The following TCERG1L variants were observed in gnomAD, a reference collection of about 807,000 sequenced individuals.
TCERG1L encodes the protein transcription elongation regulator 1-like protein.
Under a neutral mutation model 56.3 loss-of-function variants are expected in TCERG1L, and 37 were observed. That is an observed-to-expected ratio of 0.66 (90% CI 0.51 to 0.87). The LOEUF is 0.87. Ranked by LOEUF, TCERG1L falls within the 40% of genes least tolerant of loss-of-function variation. The pLI is 0.00. For missense variants in TCERG1L, 799 were observed against 774.2 expected (o/e 1.03, Z -0.38); for synonymous variants, 324 against 326.3 (o/e 0.99, Z 0.08).
chr10:131,224,372 T>C (rs1845769585), intron 4 of TCERG1L, among the ~76,000 whole-genome samples: 1 of 151,872 alleles, frequency 6.6e-6, no homozygotes, highest in Non-Finnish European at 1.5e-5. Context: ...CCTCCTGCAC[T>C]CTGGCCTCTT....
chr10:131,165,335 G>T (rs759838504), intron 5 of TCERG1L, among the ~76,000 whole-genome samples: 10 of 152,160 alleles, frequency 6.6e-5, no homozygotes, highest in Non-Finnish European at 1.2e-4. Flanking sequence ...CATCATGCAA[G>T]GGACTACCAG....
Position 131,311,492 on chromosome 10 carries a change from C to T in TCERG1L, c.144G>A (p.Gly48=). Residue 48 remains glycine (G), a synonymous_variant, in exon 1 of 12, where the codon GGG becomes GGA. Transcript: ENST00000368642. This position sits in a 1 kb window ranked among gnomAD's most constrained non-coding sequence, Gnocchi z 4.0. ...PWVWMVPGSA[G]LLRLSAGVVV... Reference sequence around the variant, plus strand: ...CGACCCCCGCGCTGAGCCGGAGCAGCCCGGCCGAGCCCGGCACCATCCAGA... The same window carrying T: ...CGACCCCCGCGCTGAGCCGGAGCAGTCCGGCCGAGCCCGGCACCATCCAGA... The T allele has an allele frequency of 3.3e-6, 4 of 1,198,730 alleles. No homozygotes were observed. The South Asian group carries it at 9.9e-5, about 30-fold the overall frequency. The allele number at this position is 1,198,730 out of a possible 1,614,324, so 74.3% of individuals were successfully genotyped here.
chr10:131,149,445 C>T (rs1442243448), intron 6 of TCERG1L, among the ~76,000 whole-genome samples: 6 of 152,192 alleles, frequency 3.9e-5, no homozygotes, highest in South Asian at 4.1e-4. Context: ...GTGCAGAACC[C>T]GGCTAGCATA....
rs567878293 is a variant in TCERG1L at position 131,220,982 on chromosome 10, C to T, written c.856+39277G>A. Among the ~76,000 whole-genome samples, 4 of 152,286 alleles carry T rather than the reference C, an allele frequency of 2.6e-5. No homozygotes were observed. The East Asian group carries it at 5.8e-4, about 22-fold the overall frequency. On this transcript the variant is annotated intron_variant, in intron 4 of 11. Coordinates refer to ENST00000368642, the MANE Select transcript of TCERG1L (RefSeq NM_174937.4). ...GTGGTCACTGAGGCAGCCCCACCCC[C>T]GGAGCAACTGGACACCTGCAGTGTA...
At chr10:131,163,291 A>G (rs1845996915) in intron 5 of TCERG1L, 81 bp from the exon 6 acceptor site, 2 of 1,070,942 alleles carry the variant, frequency 1.9e-6, no homozygotes, top group Non-Finnish European at 2.5e-6. Context: ...GGAGGAATAA[A>G]CAAATCTCCT....
intron 6 of TCERG1L, among the ~76,000 whole-genome samples, chr10:131,148,369 C>CAT (rs1554888201): frequency 6.6e-6 from 1 of 151,636 alleles, no homozygotes; most frequent in African/African-American, 2.4e-5. Context: ...CACATGCACA[C>CAT]AGACATAGAG....
chr10:131,141,594 T>C (rs1238820227), intron 7 of TCERG1L, among the ~76,000 whole-genome samples: 1 of 151,802 alleles, frequency 6.6e-6, no homozygotes, highest in Non-Finnish European at 1.5e-5. Context: ...CTTCCTCTCC[T>C]CCCTCCCTTC....
At chr10:131,294,339 C>A (rs79962751) in intron 3 of TCERG1L, among the ~76,000 whole-genome samples, 3,017 of 152,204 alleles carry the variant, frequency 0.02, 74 homozygotes, top group East Asian at 0.076. Context: ...CCATCACTAA[C>A]CAATGTCACT....
At chr10:131,308,764 C>A (rs936800737) in intron 2 of TCERG1L, among the ~76,000 whole-genome samples, 13 of 152,154 alleles carry the variant, frequency 8.5e-5, no homozygotes, top group African/African-American at 3.1e-4. Context: ...AAAGCCAAAA[C>A]AAACCATTAG....
chr10:131,202,671 G>A (rs543397887), intron 4 of TCERG1L, among the ~76,000 whole-genome samples: 35 of 152,200 alleles, frequency 2.3e-4, no homozygotes, highest in South Asian at 1.5e-3. Flanking sequence ...GTAACGTAGC[G>A]GAATTCAAGT....
At chr10:131,227,842 C>T (rs1377410585) in intron 4 of TCERG1L, among the ~76,000 whole-genome samples, 4 of 118,818 alleles carry the variant, frequency 3.4e-5, no homozygotes, top group African/African-American at 1.4e-4. Flanking sequence ...AACCCCTTCC[C>T]GTGGTCTCTA....
At chr10:131,296,583 G>A (rs896494379) in intron 3 of TCERG1L, among the ~76,000 whole-genome samples, 1 of 152,072 alleles carries the variant, frequency 6.6e-6, no homozygotes, top group Non-Finnish European at 1.5e-5. Context: ...CGTTTTCTTC[G>A]TCAGAACTAC....
chr10:131,249,758 G>A (rs1463917417), intron 4 of TCERG1L, among the ~76,000 whole-genome samples: 1 of 152,124 alleles, frequency 6.6e-6, no homozygotes, highest in South Asian at 2.1e-4. Context: ...GGCCACACTC[G>A]CTGGCTCACG....
At position 131,202,684 on chromosome 10, in the gene TCERG1L, A is replaced by G. The variant is rs200572251; in HGVS notation, c.857-35799T>C. On this transcript the variant is annotated intron_variant, in intron 4 of 11. Coordinates refer to ENST00000368642, the MANE Select transcript of TCERG1L (RefSeq NM_174937.4). ...CAGTAACGTAGCGGAATTCAAGTCA[A>G]TAACATCCTCTCCACATTTTCAGGA... 1.6e-3 allele frequency among the ~76,000 whole-genome samples: 244 copies of G among 152,354 alleles called. 1 individual carries two copies. The highest frequency in any genetic ancestry group is 2.8e-3 in the Non-Finnish European group (193 of 68,032).
intron 5 of TCERG1L, among the ~76,000 whole-genome samples, chr10:131,164,693 G>A (rs1473770426): frequency 1.3e-5 from 2 of 152,130 alleles, no homozygotes; most frequent in African/African-American, 4.8e-5. Context: ...AGCTGAGAAT[G>A]GCAGGTGCAA....
intron 4 of TCERG1L, among the ~76,000 whole-genome samples, chr10:131,171,165 A>C (rs1257589630): frequency 1.2e-5 from 1 of 84,264 alleles, no homozygotes; most frequent in Non-Finnish European, 2.4e-5. Flanking sequence ...AAAAACAAAA[A>C]CAAAAACACA....
At chr10:131,117,867 C>T (rs769919114) in intron 8 of TCERG1L, among the ~76,000 whole-genome samples, 9 of 152,232 alleles carry the variant, frequency 5.9e-5, no homozygotes, top group South Asian at 2.1e-4. Flanking sequence ...TTTGAAAAAA[C>T]GAAATGTTTG....
At chr10:131,193,235 G>A (rs942090784) in intron 4 of TCERG1L, among the ~76,000 whole-genome samples, 4 of 152,000 alleles carry the variant, frequency 2.6e-5, no homozygotes, top group African/African-American at 9.7e-5. Flanking sequence ...GTTTTTTTGA[G>A]TTCTTTGTAT....
intron 9 of TCERG1L, among the ~76,000 whole-genome samples, chr10:131,115,781 T>G (rs974212256): frequency 6.6e-6 from 1 of 152,176 alleles, no homozygotes; most frequent in Non-Finnish European, 1.5e-5. Context: ...ACCTGCTCAA[T>G]GTTCTCTGTT....
Sources: allele counts gnomAD v4.1 joint callset (sites outside exome capture counted in the v4.1 genomes callset), GRCh38; gene constraint gnomAD v4.1.1; non-coding constraint Gnocchi (gnomAD v3.1); transcripts MANE v1.5; gene names NCBI Gene and HGNC (gene_info 2026-07-23, HGNC 2026-07-21).